TRPC4: variants seen among roughly 807,000 people sequenced by gnomAD.
TRPC4 encodes the protein short transient receptor potential channel 4.
TRPC4 carries 49 observed loss-of-function variants against 99.4 expected under a neutral mutation model. The ratio of observed to expected loss-of-function variants is 0.49; its 90% CI spans 0.39 to 0.63. The LOEUF (loss-of-function observed/expected upper bound fraction) is 0.63, where lower values mean the gene tolerates loss of function less well. TRPC4 is among the 20% of genes least tolerant of loss of function. TRPC4 has a pLI of 0.00. For synonymous variants in TRPC4, 454 were observed against 425.9 expected (o/e 1.07, Z -0.81); for missense variants, 898 against 1,152.9 (o/e 0.78, Z 3.20).
chr13:37,812,909 C>T (rs888339440), intron 1 of TRPC4, among the ~76,000 whole-genome samples: 4 of 151,368 alleles, frequency 2.6e-5, no homozygotes, highest in East Asian at 1.9e-4. Flanking sequence ...TGACATGCCA[C>T]GTAAAGAGAA....
intron 2 of TRPC4, 107 bp from the exon 3 acceptor site, chr13:37,746,562 G>T (rs2139167070): frequency 1.6e-6 from 2 of 1,228,186 alleles, no homozygotes; most frequent in South Asian, 1.9e-5. Context: ...TATGTCCTTG[G>T]CCGGGTTTTT....
At chr13:37,824,264 TTCCTTC>T (rs1171457231) in intron 1 of TRPC4, among the ~76,000 whole-genome samples, 1 of 148,570 alleles carries the variant, frequency 6.7e-6, no homozygotes, top group Non-Finnish European at 1.5e-5. Context: ...TACCCTTTAT[TTCCTTC>T]TCCTGCCTAA....
At chr13:37,780,408 G>C (rs1956808589) in intron 2 of TRPC4, among the ~76,000 whole-genome samples, 1 of 151,578 alleles carries the variant, frequency 6.6e-6, no homozygotes, top group Non-Finnish European at 1.5e-5. Context: ...TTATCATTTG[G>C]CCTCAATGAC....
At chr13:37,811,725 G>T (rs540439442) in intron 1 of TRPC4, among the ~76,000 whole-genome samples, 2 of 152,238 alleles carry the variant, frequency 1.3e-5, no homozygotes, top group East Asian at 3.9e-4. Context: ...CAGGGTCAGG[G>T]ACAGTCTATT....
intron 10 of TRPC4, among the ~76,000 whole-genome samples, chr13:37,638,352 T>G (rs1365163860): frequency 6.6e-6 from 1 of 152,112 alleles, no homozygotes; most frequent in Non-Finnish European, 1.5e-5. Flanking sequence ...GCACTTTAAG[T>G]TTTGTAATTT....
At chr13:37,810,104 T>A (rs534443176) in intron 1 of TRPC4, among the ~76,000 whole-genome samples, 1 of 152,244 alleles carries the variant, frequency 6.6e-6, no homozygotes, top group Non-Finnish European at 1.5e-5. Flanking sequence ...ATGTTCATTC[T>A]GGATTTTACA....
chr13:37,637,119 A>T lies in TRPC4; in HGVS notation c.2718T>A (p.Cys906Ter). 6.2e-7 allele frequency: 1 copy of T among 1,613,770 alleles called. No individual in the cohort carries two copies. The highest frequency in any genetic ancestry group is 8.5e-7 in the Non-Finnish European group (1 of 1,179,834). Residue 906 changes from cysteine to a stop codon, truncating the protein, a stop_gained, in exon 11 of 11, where the codon TGT becomes TGA. Transcript: ENST00000379705. LOFTEE classifies it high-confidence loss of function. ...DLSIPGLSEQ[C>*]VLVDHRERNT... ...TCCTTTCTCTATGGTCTACTAACAC[A>T]CATTGTTCACTGAGACCGGGAATGC... is the stretch of plus-strand genomic sequence containing the variant.
At chr13:37,672,717 G>T (rs1394659092) in intron 5 of TRPC4, among the ~76,000 whole-genome samples, 2 of 152,170 alleles carry the variant, frequency 1.3e-5, no homozygotes, top group Non-Finnish European at 2.9e-5. Flanking sequence ...ATCACAGACT[G>T]CCTACCTCTT....
chr13:37,659,326 C>T (rs535357790), intron 6 of TRPC4, among the ~76,000 whole-genome samples: 1 of 152,248 alleles, frequency 6.6e-6, no homozygotes, highest in South Asian at 2.1e-4. Flanking sequence ...CTCTTTCCCC[C>T]TGTGATGCCT....
chr13:37,748,302 G>A (rs74047148), intron 2 of TRPC4, among the ~76,000 whole-genome samples: 6,223 of 152,144 alleles, frequency 0.041, 345 homozygotes, highest in African/African-American at 0.13. Context: ...ATGTTTAAGT[G>A]ACATGTAATT....
At chr13:37,731,446 G>T (rs1955236989) in intron 3 of TRPC4, among the ~76,000 whole-genome samples, 1 of 151,590 alleles carries the variant, frequency 6.6e-6, no homozygotes, top group South Asian at 2.1e-4. Context: ...GAGACATATT[G>T]GCAACAATAG....
chr13:37,683,619 G>C (rs1316031408), intron 4 of TRPC4, among the ~76,000 whole-genome samples: 1 of 152,082 alleles, frequency 6.6e-6, no homozygotes, highest in Non-Finnish European at 1.5e-5. Flanking sequence ...CACACAGGTG[G>C]CTCAGTAATA....
chr13:37,731,097 CACA>C (rs1187693774), intron 3 of TRPC4, among the ~76,000 whole-genome samples: 6 of 151,886 alleles, frequency 4.0e-5, no homozygotes, highest in South Asian at 2.1e-4. Flanking sequence ...TGAGATAATA[CACA>C]ACATGTTAGA....
chr13:37,834,260 G>T (rs1392796639), intron 1 of TRPC4, among the ~76,000 whole-genome samples: 3 of 152,086 alleles, frequency 2.0e-5, no homozygotes, highest in Non-Finnish European at 4.4e-5. Context: ...TCACTCTTAT[G>T]CATCCTTCCA....
intron 1 of TRPC4, among the ~76,000 whole-genome samples, chr13:37,856,571 A>C (rs1349024113): frequency 1.3e-5 from 2 of 151,422 alleles, no homozygotes; most frequent in Admixed American, 1.3e-4. Flanking sequence ...ACAAAGACAC[A>C]TTAAAAAAAA....
At position 37,651,446 on chromosome 13, in the gene TRPC4, A is replaced by G; in HGVS notation, c.1898T>C (p.Ile633Thr). 2.5e-6 allele frequency: 4 copies of G among 1,613,936 alleles called. No homozygotes were observed. Among genetic ancestry groups the G allele is most frequent in the Non-Finnish European group, 3.4e-6 (4 of 1,179,894 alleles). The change falls in exon 8 of 11, where the codon ATA becomes ACA. Residue 633 changes from isoleucine to threonine, a missense_variant. Physicochemically the swap from Ile to Thr is moderately conservative, Grantham distance 89. This residue lies in a region of TRPC4 where 274 missense variants were observed against 454.9 expected (regional missense o/e 0.60). Coordinates refer to ENST00000379705, the MANE Select transcript of TRPC4 (RefSeq NM_016179.4). ...CTTTGTTCGTGCAAATTTCCATTCT[A>G]TATCTGCATGGTCCTGAACAGGAGA... Reference protein sequence around the residue: ...SYQLIADHADIEWKFARTKLW... With the variant: ...SYQLIADHADTEWKFARTKLW...
intron 1 of TRPC4, among the ~76,000 whole-genome samples, chr13:37,825,386 T>G (rs1958172096): frequency 6.6e-6 from 1 of 151,376 alleles, no homozygotes; most frequent in Non-Finnish European, 1.5e-5. Context: ...TTTGGATCTT[T>G]CCTGCTTTCT....
intron 2 of TRPC4, among the ~76,000 whole-genome samples, chr13:37,753,840 T>A (rs1956019902): frequency 6.6e-6 from 1 of 152,092 alleles, no homozygotes. Context: ...AACCCTTGCA[T>A]CCAATTAGGG....
chr13:37,838,128 A>G (rs1958619322), intron 1 of TRPC4, among the ~76,000 whole-genome samples: 1 of 152,194 alleles, frequency 6.6e-6, no homozygotes, highest in African/African-American at 2.4e-5. Flanking sequence ...TAAATTGCCC[A>G]GTCTCAGATA....
Sources: gnomAD v4.1 joint callset for allele counts (sites outside exome capture counted in the v4.1 genomes callset) on GRCh38, gnomAD v4.1.1 for gene constraint, gnomAD v4.1.1 regional missense constraint, MANE v1.5 for transcripts, NCBI Gene and HGNC (gene_info 2026-07-23, HGNC 2026-07-21) for gene names.